TBX5: variants seen among roughly 807,000 people sequenced by gnomAD.
TBX5 encodes the protein T-box transcription factor TBX5.
Under a neutral mutation model 51.1 loss-of-function variants are expected in TBX5, and 8 were observed. That is an observed-to-expected ratio of 0.16 (90% CI 0.09 to 0.28). TBX5 has a LOEUF of 0.28. Ranked by LOEUF, TBX5 falls within the 10% of genes least tolerant of loss-of-function variation. The pLI is 1.00. For synonymous variants in TBX5, 302 were observed against 266.4 expected (o/e 1.13, Z -1.30); for missense variants, 589 against 671.7 (o/e 0.88, Z 1.36).
At chr12:114,406,850 A>ATTT (rs76878077), upstream of TBX5, among the ~76,000 whole-genome samples, 7 of 146,616 alleles carry the variant, frequency 4.8e-5, no homozygotes, top group African/African-American at 1.7e-4. Flanking sequence ...TCTGAGATGT[A>ATTT]TTTTTTTTTT....
Position 114,403,840 on chromosome 12 carries a change from T to C in TBX5, c.59A>G (p.Lys20Arg). 6.2e-7 allele frequency: 1 copy of C among 1,614,042 alleles called. No individual in the cohort carries two copies. Among genetic ancestry groups the C allele is most frequent in the Non-Finnish European group, 8.5e-7 (1 of 1,180,022 alleles). The change falls in exon 2 of 9, where the codon AAA (lysine) becomes AGA (arginine). Residue 20 changes from lysine (K) to arginine (R), a missense_variant. This residue lies in a region of TBX5 where 101 missense variants were observed against 83.3 expected (regional missense o/e 1.21). Transcript: ENST00000405440. The stretch of plus-strand genomic sequence containing the variant: ...GGGTTTCGAATCGCAGGGCAGGTCT[T>C]TTGCGTCAGGCTCCAGAGGCGTGTG... ...LAHTPLEPDA[K>R]DLPCDSKPES...
intron 7 of TBX5, among the ~76,000 whole-genome samples, chr12:114,378,577 A>G (rs1870331337): frequency 6.6e-6 from 1 of 152,202 alleles, no homozygotes; most frequent in Non-Finnish European, 1.5e-5. Context: ...CACTCCTTCT[A>G]GGTAGAAGAG....
intron 8 of TBX5, among the ~76,000 whole-genome samples, chr12:114,358,162 T>C (rs1460489678): frequency 6.6e-6 from 1 of 152,202 alleles, no homozygotes; most frequent in Admixed American, 6.5e-5. Flanking sequence ...ACTCTCTAGA[T>C]TTCTAATACC....
chr12:114,372,265 G>T (rs772252209), intron 7 of TBX5, among the ~76,000 whole-genome samples: 1 of 152,092 alleles, frequency 6.6e-6, no homozygotes, highest in Non-Finnish European at 1.5e-5. Context: ...AAGAATGGGG[G>T]TGAGGGCACA....
chr12:114,372,926 C>T (rs1869990653), intron 7 of TBX5, among the ~76,000 whole-genome samples: 1 of 151,518 alleles, frequency 6.6e-6, no homozygotes, highest in African/African-American at 2.4e-5. Flanking sequence ...ATAGCCACCT[C>T]TTTGGGGTTA....
rs79728628 is a variant in TBX5 at position 114,374,385 on chromosome 12, A to G, written c.756-7994T>C. Among the ~76,000 whole-genome samples, 862 of 152,278 alleles carry G rather than the reference A, an allele frequency of 5.7e-3. 13 individuals carry two copies. Among genetic ancestry groups the G allele is most frequent in the African/African-American group, 0.02 (829 of 41,568 alleles). ...TAATCACCTGGGAAATTAAAAATAG[A>G]TATGTTGACACCCAAACTCACCCCC... On this transcript the variant is annotated intron_variant, in intron 7 of 8. Coordinates refer to ENST00000405440, the MANE Select transcript of TBX5 (RefSeq NM_181486.4).
chr12:114,385,271 T>C (rs1870746868), intron 7 of TBX5, among the ~76,000 whole-genome samples: 1 of 152,206 alleles, frequency 6.6e-6, no homozygotes, highest in Non-Finnish European at 1.5e-5. Context: ...CTAGAAAATG[T>C]ATTCTCCAGG....
chr12:114,386,252 A>G (rs1045408987), intron 6 of TBX5, among the ~76,000 whole-genome samples: 4 of 152,248 alleles, frequency 2.6e-5, no homozygotes, highest in Non-Finnish European at 2.9e-5. Context: ...AGGCATAGTT[A>G]CAGAACAGGG....
intron 6 of TBX5, among the ~76,000 whole-genome samples, chr12:114,387,215 GT>G (rs1193374400): frequency 6.6e-6 from 1 of 152,100 alleles, no homozygotes; most frequent in Non-Finnish European, 1.5e-5. Flanking sequence ...CAGTAGTATA[GT>G]TACAGATTTG....
At chr12:114,371,160 C>T (rs1471517172) in intron 7 of TBX5, among the ~76,000 whole-genome samples, 1 of 152,194 alleles carries the variant, frequency 6.6e-6, no homozygotes, top group African/African-American at 2.4e-5. Context: ...ACTGATCTAT[C>T]CTACTCTTTG....
intron 7 of TBX5, among the ~76,000 whole-genome samples, chr12:114,369,580 C>T (rs1011923168): frequency 3.9e-5 from 6 of 152,252 alleles, no homozygotes; most frequent in South Asian, 2.1e-4. Context: ...CAAACAACAG[C>T]GGGGCAATTT....
At chr12:114,406,706 A>C (rs535963416), upstream of TBX5, among the ~76,000 whole-genome samples, 2 of 152,278 alleles carry the variant, frequency 1.3e-5, no homozygotes, top group East Asian at 3.9e-4. Context: ...CCCCCCACCC[A>C]GTGGGGCCAC....
chr12:114,377,670 CA>C (rs34599692), intron 7 of TBX5, among the ~76,000 whole-genome samples: 12,787 of 151,604 alleles, frequency 0.084, 770 homozygotes, highest in Non-Finnish European at 0.13. Flanking sequence ...CCTCCTGTCT[CA>C]GCCTCCCAAA....
chr12:114,381,837 A>G (rs1870520100), intron 7 of TBX5, among the ~76,000 whole-genome samples: 1 of 152,136 alleles, frequency 6.6e-6, no homozygotes, highest in African/African-American at 2.4e-5. Flanking sequence ...CCCCAACTTC[A>G]TCAGTGGTTA....
intron 8 of TBX5, among the ~76,000 whole-genome samples, chr12:114,357,023 G>GATGGATGGATGGATGC: frequency 8.8e-6 from 1 of 113,106 alleles, no homozygotes; most frequent in African/African-American, 2.9e-5. Flanking sequence ...TGGATGGATG[G>GATGGATGGATGGATGC]ATGGATGCAT....
At position 114,377,366 on chromosome 12, in the gene TBX5, G is replaced by T. The variant is rs190804945; in HGVS notation, c.755+8110C>A. On this transcript the variant is annotated intron_variant, in intron 7 of 8. Transcript: ENST00000405440. ...ATAGAAGAATTTTAACCTTTTAGGAGACCTAGGCCTTATACATCCCTTGAA... is the reference window on the plus strand; with the variant it reads ...ATAGAAGAATTTTAACCTTTTAGGATACCTAGGCCTTATACATCCCTTGAA... 3.9e-5 allele frequency among the ~76,000 whole-genome samples: 6 copies of T among 152,222 alleles called. No individual in the cohort carries two copies. The East Asian group carries it at 1.2e-3, about 29-fold the overall frequency.
chr12:114,392,559 A>G (rs554478613), intron 6 of TBX5, among the ~76,000 whole-genome samples: 13 of 152,282 alleles, frequency 8.5e-5, no homozygotes, highest in African/African-American at 3.1e-4. Context: ...ATGGTTTTTT[A>G]AGCCGGTCAC....
intron 6 of TBX5, among the ~76,000 whole-genome samples, chr12:114,393,628 C>T (rs553189944): frequency 3.3e-5 from 5 of 152,284 alleles, no homozygotes; most frequent in East Asian, 3.9e-4. Flanking sequence ...TCCAACCTGC[C>T]GCTATAGGCA....
intron 8 of TBX5, among the ~76,000 whole-genome samples, chr12:114,362,877 C>T: frequency 6.6e-6 from 1 of 152,142 alleles, no homozygotes; most frequent in African/African-American, 2.4e-5. Context: ...GTTGCCCAGG[C>T]TAGTCCCAAC....
Sources: allele counts gnomAD v4.1 joint callset (sites outside exome capture counted in the v4.1 genomes callset), GRCh38; gene constraint gnomAD v4.1.1; regional missense constraint gnomAD v4.1.1; transcripts MANE v1.5; gene names NCBI Gene and HGNC (gene_info 2026-07-23, HGNC 2026-07-21).